The following ITGAE variants were observed in gnomAD, a reference collection of about 807,000 sequenced individuals.
ITGAE encodes the protein integrin subunit alpha E.
ITGAE carries 99 observed loss-of-function variants against 136.5 expected under a neutral mutation model. That is an observed-to-expected ratio of 0.73 (90% CI 0.62 to 0.86). ITGAE has a LOEUF of 0.86. ITGAE is among the 40% of genes least tolerant of loss of function. The pLI is 0.00. For missense variants in ITGAE, 1,447 were observed against 1,515.3 expected (o/e 0.95, Z 0.75); for synonymous variants, 613 against 591.8 (o/e 1.04, Z -0.52).
chr17:3,740,984 T>G (rs1252232910), intron 19 of ITGAE, among the ~76,000 whole-genome samples: 2 of 151,916 alleles, frequency 1.3e-5, no homozygotes, highest in Non-Finnish European at 2.9e-5. Context: ...TTCTACTTCC[T>G]GCGGAAGGGG....
At chr17:3,796,148 C>CGTGTGTGTGTGTGCACCCGTGT (rs2053091801) in intron 1 of ITGAE, among the ~76,000 whole-genome samples, 2 of 130,298 alleles carry the variant, frequency 1.5e-5, no homozygotes, top group Admixed American at 1.5e-4. Flanking sequence ...TGTGTGCATC[C>CGTGTGTGTGTGTGCACCCGTGT]GTGTGTGTGT....
At chr17:3,726,026 G>T (rs373236598) in intron 26 of ITGAE, 1 of 1,614,132 alleles carries the variant, frequency 6.2e-7, no homozygotes, top group Non-Finnish European at 8.5e-7. Context: ...AACGGGATGG[G>T]ATTGTGGTTT....
chr17:3,795,764 T>C (rs2053051042), intron 1 of ITGAE, among the ~76,000 whole-genome samples: 1 of 151,388 alleles, frequency 6.6e-6, no homozygotes, highest in Non-Finnish European at 1.5e-5. Context: ...GGCATGAGAC[T>C]GTGTACGTGC....
rs2052183251 is a variant in ITGAE at position 3,761,960 on chromosome 17, C to A, written c.270G>T (p.Gly90=). ...HPVEHVPIPK[G]RHRGVTVVRS... ...GGACAACGGTCACTCCCCGGTGCCT[C>A]CCCTTGGGGATGGGGACATGCTCTG... The change falls in exon 4 of 31, where the codon GGG becomes GGT. Residue 90 remains glycine (G), a synonymous_variant. Coordinates refer to ENST00000263087, the MANE Select transcript of ITGAE (RefSeq NM_002208.5). The A allele has an allele frequency of 1.9e-6, 3 of 1,613,786 alleles. No individual in the cohort carries two copies. Among genetic ancestry groups the A allele is most frequent in the Non-Finnish European group, 2.5e-6 (3 of 1,179,956 alleles).
intron 20 of ITGAE, among the ~76,000 whole-genome samples, chr17:3,735,740 C>T (rs182639371): frequency 8.5e-5 from 13 of 152,314 alleles, no homozygotes; most frequent in Middle Eastern, 6.8e-3. Flanking sequence ...CATGAGATGA[C>T]GATAATAGCT....
intron 26 of ITGAE, chr17:3,726,114 AAGG>A (rs2051205988): frequency 6.2e-7 from 1 of 1,614,210 alleles, no homozygotes; most frequent in Non-Finnish European, 8.5e-7. Flanking sequence ...GCTCATGAAG[AAGG>A]AGAATAACAA....
At position 3,801,101 on chromosome 17, in the gene ITGAE, G is replaced by A; in HGVS notation, c.34+10C>T. ...AGCAGCCCCTCGAAGCAGCGGGTGA[G>A]AGGACTTACTGGCTATGCAGAGCAG... is the stretch of plus-strand genomic sequence containing the variant. On this transcript the variant is annotated intron_variant, in intron 1 of 30. Coordinates refer to ENST00000263087, the MANE Select transcript of ITGAE (RefSeq NM_002208.5). 1 of 1,613,094 alleles carries A rather than the reference G, an allele frequency of 6.2e-7. No individual in the cohort carries two copies. Among genetic ancestry groups the A allele is most frequent in the Non-Finnish European group, 8.5e-7 (1 of 1,179,994 alleles).
intron 20 of ITGAE, among the ~76,000 whole-genome samples, chr17:3,735,196 T>C (rs1402662702): frequency 6.6e-6 from 1 of 152,154 alleles, no homozygotes. Flanking sequence ...AGACGGAGTT[T>C]CGTTCTTGTT....
intron 1 of ITGAE, among the ~76,000 whole-genome samples, chr17:3,797,377 G>A (rs535286596): frequency 1.5e-3 from 226 of 151,370 alleles, no homozygotes; most frequent in South Asian, 3.3e-3. Flanking sequence ...GTGTTAGCCA[G>A]GATGGTCTCG....
At chr17:3,762,443 G>T (rs912824527) in intron 3 of ITGAE, among the ~76,000 whole-genome samples, 1 of 152,122 alleles carries the variant, frequency 6.6e-6, no homozygotes, top group African/African-American at 2.4e-5. Flanking sequence ...ACTGCCCCCA[G>T]CCTCAGGGGC....
chr17:3,730,104 C>T (rs931039385), intron 23 of ITGAE, among the ~76,000 whole-genome samples: 8 of 152,272 alleles, frequency 5.3e-5, no homozygotes, highest in Middle Eastern at 3.4e-3. Context: ...TGTGCTCTCA[C>T]TGCAGAACAG....
At chr17:3,716,244 T>C (rs900343515) in intron 30 of ITGAE, among the ~76,000 whole-genome samples, 1 of 146,124 alleles carries the variant, frequency 6.8e-6, no homozygotes. Flanking sequence ...GGATCTTAAA[T>C]AGCAGTAGAA....
chr17:3,752,613 G>A (rs978831434), intron 14 of ITGAE, among the ~76,000 whole-genome samples: 20 of 152,128 alleles, frequency 1.3e-4, no homozygotes, highest in Admixed American at 2.0e-4. Context: ...AAAATTAGCC[G>A]GGTGTAGTGG....
rs1209690202 is a variant in ITGAE at position 3,798,532 on chromosome 17, T to A, written c.34+2579A>T. On this transcript the variant is annotated intron_variant, in intron 1 of 30. Coordinates refer to ENST00000263087, the MANE Select transcript of ITGAE (RefSeq NM_002208.5). The surrounding 1 kb of genome is among the most constrained non-coding windows in gnomAD (Gnocchi z 4.3). ...CCTGTACTTGCCAAGGACCTCCCCGTCCTTCAGAGCCCACCTCAGATGCTA... is the reference window on the plus strand; with the variant it reads ...CCTGTACTTGCCAAGGACCTCCCCGACCTTCAGAGCCCACCTCAGATGCTA... Among the ~76,000 whole-genome samples the A allele has an allele frequency of 6.6e-6, 1 of 152,066 alleles. No individual in the cohort carries two copies. Among genetic ancestry groups the A allele is most frequent in the African/African-American group, 2.4e-5 (1 of 41,404 alleles).
chr17:3,746,200 G>A (rs150063939), intron 17 of ITGAE, among the ~76,000 whole-genome samples: 6 of 152,318 alleles, frequency 3.9e-5, no homozygotes, highest in Admixed American at 6.5e-5. Flanking sequence ...GAGGGCTCGG[G>A]AAGGGGATCG....
Position 3,801,151 on chromosome 17 carries a change from T to TGGAGCAGAGGCGGCTGTGTG in ITGAE, c.-27_-8dup, listed in dbSNP as rs1456778207. On this transcript the variant is annotated 5_prime_UTR_variant, in exon 1 of 31. Coordinates refer to ENST00000263087, the MANE Select transcript of ITGAE (RefSeq NM_002208.5). The stretch of plus-strand genomic sequence containing the variant: ...GAGTGTGGAAGAGCCACATCCTTGC[T>TGGAGCAGAGGCGGCTGTGTG]GGAGCAGAGGCGGCTGTGTGGGAGC... The TGGAGCAGAGGCGGCTGTGTG allele has an allele frequency of 3.1e-6, 5 of 1,611,084 alleles. No homozygotes were observed. The highest frequency in any genetic ancestry group is 3.4e-6 in the Non-Finnish European group (4 of 1,179,996).
At position 3,724,077 on chromosome 17, in the gene ITGAE, G is replaced by A. The variant is rs1392001296; in HGVS notation, c.3085-333C>T. The A allele has an allele frequency of 1.9e-6, 3 of 1,596,322 alleles. No homozygotes were observed. The highest frequency in any genetic ancestry group is 2.7e-5 in the African/African-American group (2 of 74,530). ...CCGGAGGCGTTTCTTCAACAGCAGC[G>A]GCAGCAGCGACGCCAGCATCGGCGA... On this transcript the variant is annotated intron_variant, in intron 26 of 30. Coordinates refer to ENST00000263087, the MANE Select transcript of ITGAE (RefSeq NM_002208.5).
chr17:3,795,878 CGTGTGCATCCGTGT>C (rs1309440055), intron 1 of ITGAE, among the ~76,000 whole-genome samples: 1 of 128,164 alleles, frequency 7.8e-6, no homozygotes, highest in African/African-American at 3.0e-5. Flanking sequence ...CATCCGTGTG[CGTGTGCATCCGTGT>C]GTGTGCATCT....
At chr17:3,727,545 G>A (rs941724431) in intron 26 of ITGAE, among the ~76,000 whole-genome samples, 21 of 151,996 alleles carry the variant, frequency 1.4e-4, no homozygotes, top group East Asian at 3.9e-4. Context: ...GACTACAGGC[G>A]CCCGCCACCA....
Sources: allele counts gnomAD v4.1 joint callset (sites outside exome capture counted in the v4.1 genomes callset), GRCh38; gene constraint gnomAD v4.1.1; non-coding constraint Gnocchi (gnomAD v3.1); transcripts MANE v1.5; gene names NCBI Gene and HGNC (gene_info 2026-07-23, HGNC 2026-07-21).